Variants in FBLN5 observed in about 807,000 individuals in gnomAD.
FBLN5 encodes fibulin 5.
In FBLN5, 24 loss-of-function variants were observed where a neutral mutation model predicts 61.6. The ratio of observed to expected loss-of-function variants is 0.39; its 90% CI spans 0.28 to 0.55. The LOEUF is 0.55. FBLN5 is among the 20% of genes least tolerant of loss of function. The probability of loss-of-function intolerance (pLI) is 0.65; values close to 1 mark genes in which losing one functional copy is unlikely to be tolerated. For synonymous variants in FBLN5, 213 were observed against 219.8 expected, an observed-to-expected ratio of 0.97 and a Z score of 0.27; for missense variants, 470 against 594.1, an observed-to-expected ratio of 0.79 and a Z score of 2.17.
chr14:91,931,180 A>G (rs891704040), intron 4 of FBLN5, among the ~76,000 whole-genome samples: 1 of 152,188 alleles, frequency 6.6e-6, no homozygotes, highest in Non-Finnish European at 1.5e-5. Flanking sequence ...CTGACTTCCC[A>G]GTTCCAGTCC....
At chr14:91,871,552 C>T (rs1403681415) in intron 10 of FBLN5, among the ~76,000 whole-genome samples, 2 of 152,256 alleles carry the variant, frequency 1.3e-5, no homozygotes, top group South Asian at 4.1e-4. Context: ...TTATGTACAT[C>T]TGCTTATTTA....
intron 4 of FBLN5, among the ~76,000 whole-genome samples, chr14:91,934,915 C>T (rs547108810): frequency 1.3e-4 from 20 of 152,300 alleles, no homozygotes; most frequent in African/African-American, 4.3e-4. Flanking sequence ...CCCCCACCCC[C>T]ACAATGCCAG....
chr14:91,889,748 A>C (rs1889901332), intron 6 of FBLN5, among the ~76,000 whole-genome samples: 3 of 152,206 alleles, frequency 2.0e-5, no homozygotes, highest in Non-Finnish European at 4.4e-5. Flanking sequence ...GGCCCTGCTG[A>C]TGCAGCATCC....
intron 9 of FBLN5, among the ~76,000 whole-genome samples, chr14:91,879,954 T>G (rs1004695888): frequency 2.0e-5 from 3 of 152,118 alleles, no homozygotes; most frequent in African/African-American, 2.4e-5. Context: ...GGAACTGAGA[T>G]GGTTTAAAAA....
Position 91,882,688 on chromosome 14 carries a change from C to T in FBLN5, c.862+266G>A, listed in dbSNP as rs1374501520. ...GGAGGCAGAAAGCCACGCTTAGAGGCTGCCGTCTGCATCTGCAGAGTTCAT... is the reference window on the plus strand; with the variant it reads ...GGAGGCAGAAAGCCACGCTTAGAGGTTGCCGTCTGCATCTGCAGAGTTCAT... On this transcript the variant is annotated intron_variant, in intron 8 of 10. Coordinates refer to ENST00000342058, the MANE Select transcript of FBLN5 (RefSeq NM_006329.4). This position sits in a 1 kb window ranked among gnomAD's most constrained non-coding sequence, Gnocchi z 4.9. 1.3e-5 allele frequency among the ~76,000 whole-genome samples: 2 copies of T among 152,220 alleles called. No individual in the cohort carries two copies. The highest frequency in any genetic ancestry group is 1.9e-4 in the East Asian group (1 of 5,198).
At chr14:91,884,096 A>T (rs1247539962) in intron 7 of FBLN5, among the ~76,000 whole-genome samples, 1 of 152,230 alleles carries the variant, frequency 6.6e-6, no homozygotes, top group African/African-American at 2.4e-5. Flanking sequence ...TGGTGGCTGG[A>T]GTCACCCAGA....
intron 4 of FBLN5, among the ~76,000 whole-genome samples, chr14:91,912,506 G>C (rs545675867): frequency 3.3e-5 from 5 of 152,100 alleles, no homozygotes; most frequent in Non-Finnish European, 1.5e-5. Context: ...TTAGCCAGGC[G>C]TGGTGGCACA....
intron 4 of FBLN5, among the ~76,000 whole-genome samples, chr14:91,917,195 G>C (rs1891230542): frequency 6.6e-6 from 1 of 152,166 alleles, no homozygotes; most frequent in Admixed American, 6.5e-5. Context: ...ATTGGAGAGA[G>C]AGAAAAAAAT....
chr14:91,871,997 T>C (rs987108937), intron 10 of FBLN5, among the ~76,000 whole-genome samples: 1 of 152,142 alleles, frequency 6.6e-6, no homozygotes, highest in African/African-American at 2.4e-5. Flanking sequence ...CCAGAATCTG[T>C]GGCTTAACAC....
At chr14:91,901,006 G>A (rs1432941223) in intron 4 of FBLN5, among the ~76,000 whole-genome samples, 3 of 152,166 alleles carry the variant, frequency 2.0e-5, no homozygotes, top group Non-Finnish European at 2.9e-5. Flanking sequence ...GGCATATGGC[G>A]GGAGATCTGG....
At chr14:91,888,625 T>A (rs1283616187) in intron 6 of FBLN5, among the ~76,000 whole-genome samples, 19 of 135,516 alleles carry the variant, frequency 1.4e-4, no homozygotes, top group East Asian at 2.1e-4. Flanking sequence ...AAAAAAAAAA[T>A]ACATATATAT....
intron 1 of FBLN5, chr14:91,946,590 A>G (rs891127477): frequency 2.6e-6 from 2 of 772,836 alleles, no homozygotes; most frequent in Non-Finnish European, 2.2e-6. Context: ...TCAAAGCAGT[A>G]TGTTTTCAAG....
At chr14:91,908,377 G>C (rs1298486675) in intron 4 of FBLN5, among the ~76,000 whole-genome samples, 1 of 152,148 alleles carries the variant, frequency 6.6e-6, no homozygotes, top group Admixed American at 6.5e-5. Flanking sequence ...ATTTGGCACA[G>C]TGAACCTCTC....
intron 4 of FBLN5, among the ~76,000 whole-genome samples, chr14:91,920,996 G>A (rs531151167): frequency 1.3e-5 from 2 of 152,314 alleles, no homozygotes; most frequent in East Asian, 3.9e-4. Flanking sequence ...AGACACAGAG[G>A]GTTCTGAAAG....
In FBLN5 at chr14:91,946,801, G is replaced by T. The variant is rs185075680; in HGVS notation, c.17+412C>A. 23 of 1,535,608 alleles carry T rather than the reference G, an allele frequency of 1.5e-5. No individual in the cohort carries two copies. The Admixed American group carries it at 2.9e-4, about 20-fold the overall frequency. Reference sequence around the variant, plus strand: ...CATAGAGCAAATCCAGCCCCGCGGTGTTCAGCTAGCCTGTCTGCTTGTCTA... The same window carrying T: ...CATAGAGCAAATCCAGCCCCGCGGTTTTCAGCTAGCCTGTCTGCTTGTCTA... On this transcript the variant is annotated intron_variant, in intron 1 of 10. Coordinates refer to ENST00000342058, the MANE Select transcript of FBLN5 (RefSeq NM_006329.4).
intron 2 of FBLN5, among the ~76,000 whole-genome samples, chr14:91,941,399 A>T (rs1370644455): frequency 6.7e-6 from 1 of 149,916 alleles, no homozygotes; most frequent in East Asian, 2.0e-4. Flanking sequence ...GTATGTACTT[A>T]AAAAAAAAAT....
chr14:91,915,247 T>C (rs1891138388), intron 4 of FBLN5, among the ~76,000 whole-genome samples: 1 of 151,300 alleles, frequency 6.6e-6, no homozygotes, highest in African/African-American at 2.4e-5. Context: ...AAAGATCAAA[T>C]AGATAACACA....
At chr14:91,877,774 C>T (rs921077644) in intron 9 of FBLN5, 92 bp from the exon 10 acceptor site, 1 of 1,004,266 alleles carries the variant, frequency 1.0e-6, no homozygotes, top group Non-Finnish European at 1.6e-6. Context: ...AAAATGAGGC[C>T]ACCCCATTTT....
In FBLN5 at chr14:91,891,234, T is replaced by A; in HGVS notation, c.606A>T (p.Gly202=). The A allele has an allele frequency of 6.2e-7, 1 of 1,604,256 alleles. No individual in the cohort carries two copies. The highest frequency in any genetic ancestry group is 1.1e-5 in the South Asian group (1 of 90,898). The change falls in exon 6 of 11, where the codon GGA becomes GGT. Residue 202 remains glycine (G), a synonymous_variant. Coordinates refer to ENST00000342058, the MANE Select transcript of FBLN5 (RefSeq NM_006329.4). The stretch of plus-strand genomic sequence containing the variant: ...CACGTCACATACCTTGGCAAGACCT[T>A]CCATCCTCATTGAGGGTAAAACCAG... The part of the protein sequence containing the change: ...CNPGFTLNED[G]RSCQDVNECA...
Sources: allele counts gnomAD v4.1 joint callset (sites outside exome capture counted in the v4.1 genomes callset), GRCh38; gene constraint gnomAD v4.1.1; non-coding constraint Gnocchi (gnomAD v3.1); transcripts MANE v1.5; gene names NCBI Gene and HGNC (gene_info 2026-07-23, HGNC 2026-07-21).